DOCK3: variants seen among roughly 807,000 people sequenced by gnomAD.
DOCK3 encodes dedicator of cytokinesis protein 3.
A neutral mutation model predicts 265.6 loss-of-function variants in DOCK3; 60 were observed. The observed-to-expected ratio is 0.23, with a 90% CI of 0.18 to 0.28. The LOEUF is 0.28. DOCK3 is among the 10% of genes least tolerant of loss of function. DOCK3 has a pLI of 1.00. For synonymous variants in DOCK3, 881 were observed against 938.0 expected (o/e 0.94, Z 1.11); for missense variants, 1,981 against 2,594.3 (o/e 0.76, Z 5.14).
intron 27 of DOCK3, among the ~76,000 whole-genome samples, chr3:51,298,141 C>T (rs981205979): frequency 6.6e-6 from 1 of 152,166 alleles, no homozygotes. Context: ...AATAGGTATA[C>T]TCAGATTTTC....
At chr3:51,173,304 A>G (rs2086781585) in intron 12 of DOCK3, among the ~76,000 whole-genome samples, 3 of 152,108 alleles carry the variant, frequency 2.0e-5, no homozygotes, top group Admixed American at 2.0e-4. Flanking sequence ...TATTTTTTGT[A>G]GAGACTGGGT....
chr3:51,135,786 G>A (rs1465108851), intron 9 of DOCK3, among the ~76,000 whole-genome samples: 7 of 152,090 alleles, frequency 4.6e-5, no homozygotes, highest in African/African-American at 1.7e-4. Context: ...AAGGCTGCAT[G>A]CAGCCTTGAC....
intron 24 of DOCK3, among the ~76,000 whole-genome samples, chr3:51,272,008 C>T (rs1247256490): frequency 6.6e-6 from 1 of 152,166 alleles, no homozygotes; most frequent in Non-Finnish European, 1.5e-5. Context: ...CCCAAGGGGT[C>T]AGGACAATCT....
chr3:51,240,191 T>C (rs997009369), intron 21 of DOCK3, among the ~76,000 whole-genome samples: 1 of 152,250 alleles, frequency 6.6e-6, no homozygotes. Context: ...TCTGCCTTAA[T>C]TTCATTATTT....
chr3:50,801,960 T>A (rs1282871257), intron 2 of DOCK3, among the ~76,000 whole-genome samples: 1 of 152,224 alleles, frequency 6.6e-6, no homozygotes, highest in Non-Finnish European at 1.5e-5. Context: ...GCCTTGTCTC[T>A]TTTTACAGCT....
At chr3:50,964,908 T>C (rs1422535283) in intron 5 of DOCK3, among the ~76,000 whole-genome samples, 1 of 151,918 alleles carries the variant, frequency 6.6e-6, no homozygotes, top group Non-Finnish European at 1.5e-5. Context: ...ACAATGTAAA[T>C]GAGAGGACAG....
intron 10 of DOCK3, among the ~76,000 whole-genome samples, chr3:51,148,510 A>C (rs182742416): frequency 2.6e-5 from 4 of 152,130 alleles, no homozygotes; most frequent in Non-Finnish European, 5.9e-5. Context: ...ATCTTGAATT[A>C]ATTTTTGTAT....
At chr3:50,905,664 T>C (rs1353190662) in intron 4 of DOCK3, among the ~76,000 whole-genome samples, 1 of 152,120 alleles carries the variant, frequency 6.6e-6, no homozygotes, top group Non-Finnish European at 1.5e-5. Context: ...GACTTTGGGC[T>C]GAGACAATGG....
At chr3:51,304,098 T>C (rs1302958916) in intron 27 of DOCK3, among the ~76,000 whole-genome samples, 2 of 152,130 alleles carry the variant, frequency 1.3e-5, no homozygotes. Context: ...GTTCTGTCCC[T>C]AAACCCCTGG....
At chr3:50,989,889 A>G (rs2078044490) in intron 5 of DOCK3, among the ~76,000 whole-genome samples, 1 of 152,226 alleles carries the variant, frequency 6.6e-6, no homozygotes, top group African/African-American at 2.4e-5. Flanking sequence ...ACCCAATCCA[A>G]GGAAAAGAAA....
chr3:51,303,476 G>T (rs1206056747), intron 27 of DOCK3, among the ~76,000 whole-genome samples: 1 of 152,168 alleles, frequency 6.6e-6, no homozygotes, highest in Non-Finnish European at 1.5e-5. Context: ...GCAATCATTT[G>T]GAGGAGAAGA....
At chr3:51,154,965 AATTT>A (rs1290177398) in intron 10 of DOCK3, among the ~76,000 whole-genome samples, 1 of 151,892 alleles carries the variant, frequency 6.6e-6, no homozygotes, top group Non-Finnish European at 1.5e-5. Flanking sequence ...TGCAGCCCTG[AATTT>A]ATTTATTTTT....
chr3:50,755,718 G>C (rs1018296399), intron 1 of DOCK3, among the ~76,000 whole-genome samples: 8 of 152,064 alleles, frequency 5.3e-5, no homozygotes, highest in African/African-American at 1.9e-4. Flanking sequence ...CTGTGTCCAT[G>C]TATTTGCCTA....
intron 3 of DOCK3, among the ~76,000 whole-genome samples, chr3:50,860,298 A>T (rs1295526020): frequency 2.0e-5 from 3 of 152,210 alleles, no homozygotes; most frequent in Non-Finnish European, 4.4e-5. Context: ...TTGCAGAAGC[A>T]GTGCCAGAGA....
chr3:51,202,608 A>G (rs1008652997), intron 12 of DOCK3, among the ~76,000 whole-genome samples: 8 of 152,172 alleles, frequency 5.3e-5, no homozygotes, highest in Non-Finnish European at 1.2e-4. Flanking sequence ...AACTGGTACC[A>G]TTCCTTCTGA....
intron 5 of DOCK3, among the ~76,000 whole-genome samples, chr3:50,944,105 C>T (rs2076368077): frequency 6.6e-6 from 1 of 152,124 alleles, no homozygotes; most frequent in African/African-American, 2.4e-5. Context: ...ACTTAAGCTT[C>T]TCTGTATATA....
chr3:51,027,084 G>A (rs1399132400), intron 5 of DOCK3, among the ~76,000 whole-genome samples: 1 of 151,964 alleles, frequency 6.6e-6, no homozygotes, highest in Non-Finnish European at 1.5e-5. Flanking sequence ...TCTTGATGTA[G>A]GCATTTAGGA....
intron 12 of DOCK3, among the ~76,000 whole-genome samples, chr3:51,170,959 A>AAG (rs1560157761): frequency 6.6e-6 from 1 of 151,930 alleles, no homozygotes; most frequent in Non-Finnish European, 1.5e-5. Flanking sequence ...AAAAAAAAAA[A>AAG]AAGATTTGTC....
chr3:51,249,266 G>T (rs1323500697), intron 22 of DOCK3, among the ~76,000 whole-genome samples: 1 of 132,670 alleles, frequency 7.5e-6, no homozygotes, highest in Non-Finnish European at 1.6e-5. Flanking sequence ...CTGCCCGGCC[G>T]CCCCTACTGG....
Sources: gnomAD v4.1 joint callset for allele counts (sites outside exome capture counted in the v4.1 genomes callset) on GRCh38, gnomAD v4.1.1 for gene constraint, MANE v1.5 for transcripts, NCBI Gene and HGNC (gene_info 2026-07-23, HGNC 2026-07-21) for gene names.